SCN8A: variants seen among roughly 807,000 people sequenced by gnomAD.
SCN8A encodes sodium voltage-gated channel alpha subunit 8.
Under a neutral mutation model 184.1 loss-of-function variants are expected in SCN8A, and 30 were observed. That is an observed-to-expected ratio of 0.16 (90% CI 0.12 to 0.22). The LOEUF (loss-of-function observed/expected upper bound fraction) is 0.22. Ranked by LOEUF, SCN8A falls within the 10% of genes least tolerant of loss-of-function variation. The pLI is 1.00. For missense variants in SCN8A, 1,057 were observed against 2,498.9 expected, an observed-to-expected ratio of 0.42 and a Z score of 12.30; for synonymous variants, 852 against 907.0, an observed-to-expected ratio of 0.94 and a Z score of 1.09.
At position 51,721,876 on chromosome 12, in the gene SCN8A, G is replaced by A. The variant is rs759683682; in HGVS notation, c.1966G>A (p.Gly656Ser). The change falls in exon 12 of 27, where the codon GGC becomes AGC. Residue 656 changes from glycine (G) to serine (S), a missense_variant. Around this residue, in one of 19 missense-constraint regions of SCN8A, gnomAD observed 322 missense variants for 390.1 expected, o/e 0.83. Coordinates refer to ENST00000627620, the MANE Select transcript of SCN8A (RefSeq NM_001330260.2). ...NGVVSLIGGP[G>S]SHIGGRLLPE... ...CGTGGTGTCCCTCATCGGCGGCCCCGGCTCCCACATCGGCGGGCGTCTCCT... is the reference window on the plus strand; with the variant it reads ...CGTGGTGTCCCTCATCGGCGGCCCCAGCTCCCACATCGGCGGGCGTCTCCT... 1.6e-5 allele frequency: 25 copies of A among 1,601,780 alleles called. No homozygotes were observed. The East Asian group carries it at 5.3e-4, about 34-fold the overall frequency.
chr12:51,800,808 G>A (rs1378881172), intron 26 of SCN8A, among the ~76,000 whole-genome samples: 1 of 152,194 alleles, frequency 6.6e-6, no homozygotes, highest in Non-Finnish European at 1.5e-5. Flanking sequence ...GTCCCCGAAA[G>A]GGGACCAGTT....
rs201298141 is a variant in SCN8A at position 51,699,607 on chromosome 12, G to A, written c.744G>A (p.Val248=). 15 of 1,614,010 alleles carry A rather than the reference G, an allele frequency of 9.3e-6. No homozygotes were observed. In the African/African-American group the frequency reaches 1.9e-4, roughly 20 times the overall value. ...TTGTGGGTGCCCTGATTCAGTCTGT[G>A]AAGAAACTGTCAGATGTGATGATCC... is the stretch of plus-strand genomic sequence containing the variant. ...KTIVGALIQS[V]KKLSDVMILT... is the part of the protein sequence containing the mutation. Residue 248 remains valine, a synonymous_variant, in exon 7 of 27, where the codon GTG becomes GTA. Transcript: ENST00000627620.
rs1005095004 is a variant in SCN8A, at chr12:51,719,865, A to G, written c.1636-1681A>G. On this transcript the variant is annotated intron_variant, in intron 11 of 26. Transcript: ENST00000627620. ...GCCGAGGCGGGCGGATCACGAGGTC[A>G]GGAGATCGAGACCATCCTGGCTAAC... Among the ~76,000 whole-genome samples the G allele has an allele frequency of 3.5e-3, 537 of 151,946 alleles. 2 individuals carry two copies. Among genetic ancestry groups the G allele is most frequent in the African/African-American group, 0.012 (507 of 41,498 alleles).
chr12:51,662,692 T>G (rs897471648), intron 1 of SCN8A, 72 bp from the exon 2 acceptor site: 5 of 883,908 alleles, frequency 5.7e-6, no homozygotes, highest in Non-Finnish European at 8.7e-6. Flanking sequence ...AGGTTGAGAG[T>G]GAGATGGTTT....
chr12:51,664,697 T>C (rs1940997391), intron 2 of SCN8A, among the ~76,000 whole-genome samples: 1 of 152,164 alleles, frequency 6.6e-6, no homozygotes, highest in South Asian at 2.1e-4. Context: ...TTCTTTTTGT[T>C]TTATAGTTTT....
chr12:51,644,885 A>T (rs1165232087), intron 1 of SCN8A, among the ~76,000 whole-genome samples: 1 of 145,308 alleles, frequency 6.9e-6, no homozygotes, highest in African/African-American at 2.6e-5. Context: ...CTGCCTGGCA[A>T]CCGCCCCGTC....
chr12:51,682,064 A>G (rs1941344143), intron 2 of SCN8A, among the ~76,000 whole-genome samples: 1 of 152,172 alleles, frequency 6.6e-6, no homozygotes, highest in Non-Finnish European at 1.5e-5. Context: ...ATTTTGTCAA[A>G]TGCTTTTTTC....
At chr12:51,687,051 CTG>C in intron 4 of SCN8A, 38 bp from the exon 5 acceptor site, 1 of 1,610,932 alleles carries the variant, frequency 6.2e-7, no homozygotes, top group Non-Finnish European at 8.5e-7. Context: ...TTTAAAGTTT[CTG>C]TCCAGAAATT....
intron 2 of SCN8A, among the ~76,000 whole-genome samples, chr12:51,681,157 C>T (rs2138702914): frequency 6.6e-6 from 1 of 152,270 alleles, no homozygotes; most frequent in South Asian, 2.1e-4. Context: ...CTTAGCTGCC[C>T]TATCTACCCC....
chr12:51,751,644 G>A, intron 14 of SCN8A, 51 bp downstream of exon 14: 4 of 1,375,782 alleles, frequency 2.9e-6, no homozygotes, highest in East Asian at 4.6e-5. Context: ...TGTTTTGCCT[G>A]TAGGATATCT....
Position 51,770,011 on chromosome 12 carries a change from G to T in SCN8A, c.3490+26G>T, listed in dbSNP as rs1397044806. On this transcript the variant is annotated intron_variant, in intron 18 of 26. Coordinates refer to ENST00000627620, the MANE Select transcript of SCN8A (RefSeq NM_001330260.2). ...GTGAAAGGGGATGAGGAGCGGATGG[G>T]CTGGGGACACTCGTGTTGCTCACAG... is the stretch of plus-strand genomic sequence containing the variant. The T allele has an allele frequency of 6.9e-6, 10 of 1,447,464 alleles. No homozygotes were observed. The South Asian group carries it at 8.5e-5, about 12-fold the overall frequency. 89.7% of individuals were successfully genotyped at this position (1,447,464 alleles called of 1,614,324 possible). A position where few individuals can be genotyped will look rare whatever the true frequency, so the allele number is the denominator to read the frequency against.
intron 25 of SCN8A, among the ~76,000 whole-genome samples, chr12:51,791,115 A>G (rs911187767): frequency 3.3e-5 from 5 of 152,152 alleles, no homozygotes; most frequent in African/African-American, 4.8e-5. Flanking sequence ...TCCTGATTCC[A>G]TATATCCGGT....
At chr12:51,602,755 T>G (rs1334542025) in intron 1 of SCN8A, among the ~76,000 whole-genome samples, 1 of 152,184 alleles carries the variant, frequency 6.6e-6, no homozygotes, top group Non-Finnish European at 1.5e-5. Flanking sequence ...CTAGTGTGGC[T>G]TTGGGCCAAT....
At chr12:51,672,793 T>C (rs1188282998) in intron 2 of SCN8A, among the ~76,000 whole-genome samples, 2 of 152,236 alleles carry the variant, frequency 1.3e-5, no homozygotes, top group Non-Finnish European at 2.9e-5. Flanking sequence ...CCCAATTTTC[T>C]TCAGTCCCTG....
chr12:51,672,140 C>T (rs1307799969), intron 2 of SCN8A, among the ~76,000 whole-genome samples: 1 of 152,120 alleles, frequency 6.6e-6, no homozygotes, highest in Non-Finnish European at 1.5e-5. Context: ...AAGCCTCTCC[C>T]ATCCTAATGA....
At chr12:51,682,595 A>G (rs1941353811) in intron 2 of SCN8A, among the ~76,000 whole-genome samples, 1 of 152,206 alleles carries the variant, frequency 6.6e-6, no homozygotes, top group Admixed American at 6.5e-5. Flanking sequence ...GAAGGTTATC[A>G]TTAGGTAATG....
At position 51,624,026 on chromosome 12, in the gene SCN8A, G is replaced by A. The variant is rs558717775; in HGVS notation, c.-55+32667G>A. On this transcript the variant is annotated intron_variant, in intron 1 of 26. Coordinates refer to ENST00000627620, the MANE Select transcript of SCN8A (RefSeq NM_001330260.2). ...CAGTCTATCATTGTTGGACATTTGG[G>A]TTGGTTCCAAGTCTTTGCTATTGTG... Among the ~76,000 whole-genome samples the A allele has an allele frequency of 9.8e-3, 1,496 of 152,240 alleles. 23 individuals carry two copies. Among genetic ancestry groups the A allele is most frequent in the African/African-American group, 0.034 (1,430 of 41,528 alleles).
chr12:51,679,103 T>A (rs371182746), intron 2 of SCN8A, among the ~76,000 whole-genome samples: 23 of 95,466 alleles, frequency 2.4e-4, no homozygotes, highest in African/African-American at 6.2e-4. Flanking sequence ...TAAAAAAAAA[T>A]AAAGCTACTC....
intron 1 of SCN8A, among the ~76,000 whole-genome samples, chr12:51,625,619 T>A (rs1940061716): frequency 6.6e-6 from 1 of 152,116 alleles, no homozygotes; most frequent in African/African-American, 2.4e-5. Context: ...TAATCACCCC[T>A]CCCCCTCTTT....
Sources: allele counts gnomAD v4.1 joint callset (sites outside exome capture counted in the v4.1 genomes callset), GRCh38; gene constraint gnomAD v4.1.1; regional missense constraint gnomAD v4.1.1; transcripts MANE v1.5; gene names NCBI Gene and HGNC (gene_info 2026-07-23, HGNC 2026-07-21).